The following GPC5 variants were observed in gnomAD, a reference collection of about 807,000 sequenced individuals.
GPC5 encodes the protein glypican 5.
In GPC5, 47 loss-of-function variants were observed where a neutral mutation model predicts 53.9. The observed-to-expected ratio is 0.87, with a 90% CI of 0.69 to 1.11. The LOEUF (loss-of-function observed/expected upper bound fraction) is 1.11. Ranked by LOEUF, GPC5 falls within the 50% of genes most tolerant of loss-of-function variation. GPC5 has a pLI of 0.00. For synonymous variants in GPC5, 286 were observed against 263.3 expected (o/e 1.09, Z -0.84); for missense variants, 748 against 713.1 (o/e 1.05, Z -0.56).
intron 7 of GPC5, among the ~76,000 whole-genome samples, chr13:92,355,861 C>A (rs2043516842): frequency 6.7e-6 from 1 of 149,054 alleles, no homozygotes; most frequent in East Asian, 2.0e-4. Flanking sequence ...CCTCTAGAAT[C>A]TATCATTCAT....
chr13:92,074,568 A>G (rs1372598002), intron 6 of GPC5, among the ~76,000 whole-genome samples: 2 of 152,172 alleles, frequency 1.3e-5, no homozygotes, highest in African/African-American at 4.8e-5. Context: ...CTAAAAGTGT[A>G]TGTTTATGTC....
chr13:92,278,562 ATTTAT>A (rs568536675), intron 7 of GPC5, among the ~76,000 whole-genome samples: 152 of 152,074 alleles, frequency 1.0e-3, no homozygotes, highest in African/African-American at 3.3e-3. Flanking sequence ...ATTCCCACTT[ATTTAT>A]TTTTTCTTTT....
chr13:92,562,130 G>A (rs916490869), intron 7 of GPC5, among the ~76,000 whole-genome samples: 3 of 151,952 alleles, frequency 2.0e-5, no homozygotes, highest in Admixed American at 1.3e-4. Context: ...TTCAAAATAA[G>A]GTCCAAACAT....
chr13:92,132,624 C>T (rs574129933), intron 6 of GPC5, among the ~76,000 whole-genome samples: 1 of 152,108 alleles, frequency 6.6e-6, no homozygotes, highest in Admixed American at 6.5e-5. Flanking sequence ...TGTGCGTATT[C>T]CTCTGTGTTC....
chr13:91,651,102 A>C (rs1489481789), intron 2 of GPC5, among the ~76,000 whole-genome samples: 1 of 152,140 alleles, frequency 6.6e-6, no homozygotes, highest in African/African-American at 2.4e-5. Context: ...AAAGGTTATA[A>C]AAAGAGTTTC....
intron 7 of GPC5, among the ~76,000 whole-genome samples, chr13:92,167,535 G>T (rs186018433): frequency 2.8e-4 from 43 of 152,288 alleles, no homozygotes; most frequent in African/African-American, 9.1e-4. Context: ...TTATACAAAT[G>T]ATGTTTTCTG....
chr13:91,489,682 C>A (rs900968936), intron 2 of GPC5, among the ~76,000 whole-genome samples: 2 of 152,142 alleles, frequency 1.3e-5, no homozygotes. Context: ...ATCATAATGG[C>A]ATCTTATAGT....
At chr13:92,099,546 T>C (rs1266627541) in intron 6 of GPC5, among the ~76,000 whole-genome samples, 1 of 152,216 alleles carries the variant, frequency 6.6e-6, no homozygotes, top group Non-Finnish European at 1.5e-5. Context: ...GTGTTTTTGC[T>C]TTGTGCCCTC....
chr13:92,420,500 A>G (rs890579107), intron 7 of GPC5, among the ~76,000 whole-genome samples: 39 of 152,044 alleles, frequency 2.6e-4, no homozygotes, highest in Admixed American at 2.4e-3. Flanking sequence ...TCCTTTTATT[A>G]TACTCTTTTA....
At chr13:91,702,781 T>G (rs960476041) in intron 3 of GPC5, among the ~76,000 whole-genome samples, 12 of 152,064 alleles carry the variant, frequency 7.9e-5, no homozygotes, top group African/African-American at 2.9e-4. Context: ...TGGACATCAT[T>G]CTATTTAAGT....
intron 3 of GPC5, among the ~76,000 whole-genome samples, chr13:91,719,717 G>A (rs1190975677): frequency 6.6e-6 from 1 of 152,082 alleles, no homozygotes; most frequent in Non-Finnish European, 1.5e-5. Context: ...AAGGGGTGAT[G>A]GACTTATGGG....
chr13:92,569,054 TCTCCTAATGCTATCCCTCC>T (rs1882944415), intron 7 of GPC5, among the ~76,000 whole-genome samples: 1 of 148,356 alleles, frequency 6.7e-6, no homozygotes, highest in Non-Finnish European at 1.5e-5. Context: ...ATTAGGTATA[TCTCCTAATGCTATCCCTCC>T]CCCCTCCCCC....
intron 2 of GPC5, among the ~76,000 whole-genome samples, chr13:91,597,603 C>T (rs527296309): frequency 3.3e-4 from 50 of 152,294 alleles, no homozygotes; most frequent in African/African-American, 1.2e-3. Flanking sequence ...AAACCATACT[C>T]ACTAAGTTTG....
chr13:92,332,327 T>C (rs567637155), intron 7 of GPC5, among the ~76,000 whole-genome samples: 38 of 152,278 alleles, frequency 2.5e-4, no homozygotes, highest in African/African-American at 9.1e-4. Flanking sequence ...TTATGTAATG[T>C]TTTTCTGTTC....
intron 1 of GPC5, among the ~76,000 whole-genome samples, chr13:91,435,874 T>C (rs1053644734): frequency 2.6e-5 from 4 of 152,220 alleles, no homozygotes; most frequent in African/African-American, 9.6e-5. Context: ...AGCCTGTTAT[T>C]GGTCTATTCA....
chr13:92,690,918 G>A (rs1413610041), intron 7 of GPC5, among the ~76,000 whole-genome samples: 4 of 61,216 alleles, frequency 6.5e-5, no homozygotes, highest in Non-Finnish European at 1.2e-4. Flanking sequence ...GAGGCAGTCT[G>A]CCCATTCTCA....
chr13:92,702,187 C>A (rs1887769702), intron 7 of GPC5, among the ~76,000 whole-genome samples: 1 of 152,032 alleles, frequency 6.6e-6, no homozygotes, highest in African/African-American at 2.4e-5. Flanking sequence ...CAATGAAAAT[C>A]CATAGAGTTT....
chr13:92,445,308 A>T (rs12867359), intron 7 of GPC5, among the ~76,000 whole-genome samples: 52 of 122,304 alleles, frequency 4.3e-4, no homozygotes, highest in East Asian at 8.7e-4. Flanking sequence ...TTTTTGTTTT[A>T]TTTTATTTTA....
intron 7 of GPC5, among the ~76,000 whole-genome samples, chr13:92,663,795 C>A (rs1201170592): frequency 7.2e-6 from 1 of 138,976 alleles, no homozygotes; most frequent in African/African-American, 2.7e-5. Context: ...TATATATACA[C>A]ACACTATATA....
Sources: gnomAD v4.1 joint callset for allele counts (sites outside exome capture counted in the v4.1 genomes callset) on GRCh38, gnomAD v4.1.1 for gene constraint, MANE v1.5 for transcripts, NCBI Gene and HGNC (gene_info 2026-07-23, HGNC 2026-07-21) for gene names.